TMEM121B: variants seen among roughly 807,000 people sequenced by gnomAD.
TMEM121B encodes transmembrane protein 121B, also known as cat eye syndrome chromosome region, candidate 6.
Under a neutral mutation model 25.1 loss-of-function variants are expected in TMEM121B, and 14 were observed. That is an observed-to-expected ratio of 0.56 (90% CI 0.37 to 0.87). TMEM121B has a LOEUF of 0.87. Ranked by LOEUF, TMEM121B falls within the 40% of genes least tolerant of loss-of-function variation. The pLI is 0.00. For synonymous variants in TMEM121B, 458 were observed against 420.9 expected, an observed-to-expected ratio of 1.09 and a Z score of -1.08; for missense variants, 850 against 854.6, an observed-to-expected ratio of 0.99 and a Z score of 0.07.
Position 17,121,062 on chromosome 22 carries a change from CG to C in TMEM121B, c.65del (p.Pro22ArgfsTer111). 1.1e-5 allele frequency: 16 copies of C among 1,451,258 alleles called. No individual in the cohort carries two copies. The highest frequency in any genetic ancestry group is 8.9e-5 in the East Asian group (3 of 33,620). 89.9% of individuals were successfully genotyped at this position (1,451,258 alleles called of 1,614,324 possible). On this transcript the variant is annotated frameshift_variant, in exon 1 of 1. Coordinates refer to ENST00000331437, the MANE Select transcript of TMEM121B (RefSeq NM_031890.4). LOFTEE classifies it high-confidence loss of function. ...SSASGSFPPP[P>X]AAARLQPLFL... is the part of the protein sequence containing the mutation. ...AGAGGGGCTGCAGCCGGGCGGCTGC[CG>C]GGGGCGGCGGGAAGGAACCGGACGC...
Position 17,119,858 on chromosome 22 carries a change from G to C in TMEM121B, c.1270C>G (p.Leu424Val), listed in dbSNP as rs747913031. 8.2e-6 allele frequency: 13 copies of C among 1,580,954 alleles called. No individual in the cohort carries two copies. Among genetic ancestry groups the C allele is most frequent in the Non-Finnish European group, 1.1e-5 (13 of 1,171,378 alleles). The change falls in exon 1 of 1, where the codon CTG (leucine) becomes GTG (valine). Residue 424 changes from leucine to valine, a missense_variant. Physicochemically the swap from Leu to Val is conservative, Grantham distance 32. Coordinates refer to ENST00000331437, the MANE Select transcript of TMEM121B (RefSeq NM_031890.4). ...LEGRVPLPAHLRYLLIAVYFL... is the reference protein window; with the variant it reads ...LEGRVPLPAHVRYLLIAVYFL... ...TAGACGGCGATAAGCAGGTAGCGCA[G>C]GTGCGCGGGCAGCGGCACGCGGCCC...
Position 17,119,247 on chromosome 22 carries a change from G to C in TMEM121B, c.*144C>G, listed in dbSNP as rs560257080. The C allele has an allele frequency of 3.0e-5, 38 of 1,279,366 alleles. No individual in the cohort carries two copies. The African/African-American group carries it at 5.6e-4, about 19-fold the overall frequency. The allele number at this position is 1,279,366 out of a possible 1,614,324, so 79.3% of individuals were successfully genotyped here. ...CTCCCTCCAAGCCGTCCTCACCCCA[G>C]GGTGCAGAAGAACACCCTGGCCCTT... On this transcript the variant is annotated 3_prime_UTR_variant, in exon 1 of 1. Transcript: ENST00000331437.
rs1276506672 is a variant in TMEM121B at position 17,120,846 on chromosome 22, C to T, written c.282G>A (p.Ala94=). ...SVSKPLVPNA[A]LLGPPAQVGA... ...CCACCTGAGCCGGCGGCCCCAGGAG[C>T]GCGGCGTTGGGCACCAGCGGCTTGC... Residue 94 remains alanine (A), a synonymous_variant, in exon 1 of 1, where the codon GCG becomes GCA. Transcript: ENST00000331437. 6.2e-6 allele frequency: 8 copies of T among 1,298,544 alleles called. No homozygotes were observed. The South Asian group carries it at 6.7e-5, about 11-fold the overall frequency. The allele number at this position is 1,298,544 out of a possible 1,614,324, so 80.4% of individuals were successfully genotyped here.
Position 17,119,863 on chromosome 22 carries a change from G to C in TMEM121B, c.1265C>G (p.Ala422Gly), listed in dbSNP as rs1341585068. 2.5e-6 allele frequency: 4 copies of C among 1,576,158 alleles called. No individual in the cohort carries two copies. The highest frequency in any genetic ancestry group is 2.6e-6 in the Non-Finnish European group (3 of 1,168,690). ...GGCGATAAGCAGGTAGCGCAGGTGC[G>C]CGGGCAGCGGCACGCGGCCCTCCAG... Reference protein sequence around the residue: ...LMLEGRVPLPAHLRYLLIAVY... With the variant: ...LMLEGRVPLPGHLRYLLIAVY... Residue 422 changes from alanine to glycine, a missense_variant, in exon 1 of 1, where the codon GCG (alanine) becomes GGG (glycine). Transcript: ENST00000331437.
Position 17,120,680 on chromosome 22 carries a change from C to T in TMEM121B, c.448G>A (p.Gly150Arg), listed in dbSNP as rs2061494773. 3 of 1,183,858 alleles carry T rather than the reference C, an allele frequency of 2.5e-6. No individual in the cohort carries two copies. The highest frequency in any genetic ancestry group is 3.1e-6 in the Non-Finnish European group (3 of 958,592). 73.3% of individuals were successfully genotyped at this position (1,183,858 alleles called of 1,614,324 possible). ...CCCGCGCCCCCCGCCGAGCGGCTCCCGGGGCCCCCGACGGCCCCGGCCGCG... is the reference window on the plus strand; with the variant it reads ...CCCGCGCCCCCCGCCGAGCGGCTCCTGGGGCCCCCGACGGCCCCGGCCGCG... Reference protein sequence around the residue: ...GAAAGAVGGPGSRSAGGAGGT... With the variant: ...GAAAGAVGGPRSRSAGGAGGT... Residue 150 changes from glycine (G) to arginine (R), a missense_variant, in exon 1 of 1, where the codon GGG (glycine) becomes AGG (arginine). Transcript: ENST00000331437.
Position 17,118,625 on chromosome 22 carries a change from C to T in TMEM121B, c.*766G>A, listed in dbSNP as rs1261700742. 1 of 152,680 alleles carries T rather than the reference C, an allele frequency of 6.5e-6. No individual in the cohort carries two copies. Among genetic ancestry groups the T allele is most frequent in the Non-Finnish European group, 1.5e-5 (1 of 68,064 alleles). The allele number at this position is 152,680 out of a possible 1,614,324, so 9.5% of individuals were successfully genotyped here. A position where few individuals can be genotyped will look rare whatever the true frequency, so the allele number is the denominator to read the frequency against. The stretch of plus-strand genomic sequence containing the variant: ...AAGCACGGAGGTAGAAATGCTCACT[C>T]ACCCAAGAAAGGGTGCAGTTTGGTC... On this transcript the variant is annotated 3_prime_UTR_variant, in exon 1 of 1. Transcript: ENST00000331437.
rs116631558 is a variant in TMEM121B, at chr22:17,120,381, G to A, written c.747C>T (p.Ser249=). 4,341 of 1,555,702 alleles carry A rather than the reference G, an allele frequency of 2.8e-3. 92 individuals carry two copies. In the African/African-American group the frequency reaches 0.045, roughly 16 times the overall value. ...VGWAIFFAKN[S]RGRRGGAASG... Reference sequence around the variant, plus strand: ...TGGCTGCGCCGCCCCGACGGCCCCGGCTGTTCTTGGCGAAGAAGATGGCCC... The same window carrying A: ...TGGCTGCGCCGCCCCGACGGCCCCGACTGTTCTTGGCGAAGAAGATGGCCC... The change falls in exon 1 of 1, where the codon AGC becomes AGT. Residue 249 remains serine (S), a synonymous_variant. Transcript: ENST00000331437.
chr22:17,120,507 C>G lies in TMEM121B; in HGVS notation c.621G>C (p.Leu207=). 6.3e-7 allele frequency: 1 copy of G among 1,579,856 alleles called. No homozygotes were observed. Among genetic ancestry groups the G allele is most frequent in the Admixed American group, 1.7e-5 (1 of 57,448 alleles). ...RWGYQALSVV[L]LLAQGGLLDL... ...CCAGCAGGCCGCCCTGCGCCAGCAG[C>G]AGCACCACGGACAGCGCCTGGTAGC... The change falls in exon 1 of 1, where the codon CTG becomes CTC. Residue 207 remains leucine (L), a synonymous_variant. Coordinates refer to ENST00000331437, the MANE Select transcript of TMEM121B (RefSeq NM_031890.4).
In TMEM121B at chr22:17,120,465, G is replaced by C. The variant is rs768757723; in HGVS notation, c.663C>G (p.Ala221=). 1.6e-5 allele frequency: 26 copies of C among 1,586,334 alleles called. No homozygotes were observed. The Admixed American group carries it at 4.3e-4, about 26-fold the overall frequency. ...QGGLLDLYLI[A]VTDLYWCSWI... ...AGGAGCACCAGTACAGGTCGGTGACGGCGATGAGGTACAGGTCCAGCAGGC... is the reference window on the plus strand; with the variant it reads ...AGGAGCACCAGTACAGGTCGGTGACCGCGATGAGGTACAGGTCCAGCAGGC... Residue 221 remains alanine, a synonymous_variant, in exon 1 of 1, where the codon GCC becomes GCG. Coordinates refer to ENST00000331437, the MANE Select transcript of TMEM121B (RefSeq NM_031890.4).
chr22:17,120,062 T>C lies in TMEM121B; in HGVS notation c.1066A>G (p.Met356Val), dbSNP rs781056342. The C allele has an allele frequency of 4.3e-6, 7 of 1,610,818 alleles. No homozygotes were observed. In the Admixed American group the frequency reaches 1.0e-4, roughly 23 times the overall value. Residue 356 changes from methionine (M) to valine (V), a missense_variant, in exon 1 of 1, where the codon ATG (methionine) becomes GTG (valine). Coordinates refer to ENST00000331437, the MANE Select transcript of TMEM121B (RefSeq NM_031890.4). ...TAGAGCAGGGGCACCGACAGCGCCATGGTGAGACGGAAGCCCGTGGTGCCG... is the reference window on the plus strand; with the variant it reads ...TAGAGCAGGGGCACCGACAGCGCCACGGTGAGACGGAAGCCCGTGGTGCCG... Reference protein sequence around the residue: ...PFGTTGFRLTMALSVPLLYSL... With the variant: ...PFGTTGFRLTVALSVPLLYSL...
chr22:17,119,602 C>A lies in TMEM121B; in HGVS notation c.1526G>T (p.Cys509Phe). The change falls in exon 1 of 1, where the codon TGC becomes TTC. Residue 509 changes from cysteine to phenylalanine, a missense_variant. Transcript: ENST00000331437. The stretch of plus-strand genomic sequence containing the variant: ...GCCCTCCAGGGCCTCCAGGCCCCGG[C>A]AGCCGAGGAAGAAGAGGTTCTTGAG... ...FMLKNLFFLG[C>F]RGLEALEGCW... The A allele has an allele frequency of 6.5e-7, 1 of 1,544,634 alleles. No individual in the cohort carries two copies. Among genetic ancestry groups the A allele is most frequent in the Non-Finnish European group, 8.7e-7 (1 of 1,148,580 alleles).
Position 17,119,487 on chromosome 22 carries a change from T to C in TMEM121B, c.1641A>G (p.Pro547=). The change falls in exon 1 of 1, where the codon CCA becomes CCG. Residue 547 remains proline (P), a synonymous_variant. Transcript: ENST00000331437. Reference sequence around the variant, plus strand: ...GGCCCAGCTGGGAGCCTCCCTGAGGTGGTGGCGGAGGTGGTGGAGGGGCGG... The same window carrying C: ...GGCCCAGCTGGGAGCCTCCCTGAGGCGGTGGCGGAGGTGGTGGAGGGGCGG... ...PPSAPPPPPP[P]PQGGSQLGHC... is the part of the protein sequence containing the mutation. The C allele has an allele frequency of 6.3e-7, 1 of 1,599,336 alleles. No individual in the cohort carries two copies.
Position 17,120,885 on chromosome 22 carries a change from C to T in TMEM121B, c.243G>A (p.Glu81=). 2.2e-6 allele frequency: 3 copies of T among 1,389,158 alleles called. No homozygotes were observed. Among genetic ancestry groups the T allele is most frequent in the Non-Finnish European group, 2.8e-6 (3 of 1,072,204 alleles). The allele number at this position is 1,389,158 out of a possible 1,614,324, so 86.1% of individuals were successfully genotyped here. A position where few individuals can be genotyped will look rare whatever the true frequency, so the allele number is the denominator to read the frequency against. Residue 81 remains glutamate, a synonymous_variant, in exon 1 of 1, where the codon GAG becomes GAA. Coordinates refer to ENST00000331437, the MANE Select transcript of TMEM121B (RefSeq NM_031890.4). ...STGAEREDDD[E]SLSVSKPLVP... Reference sequence around the variant, plus strand: ...CCAGCGGCTTGCTGACGCTGAGGCTCTCGTCGTCGTCCTCGCGCTCGGCGC... The same window carrying T: ...CCAGCGGCTTGCTGACGCTGAGGCTTTCGTCGTCGTCCTCGCGCTCGGCGC...
Position 17,120,268 on chromosome 22 carries a change from T to A in TMEM121B, c.860A>T (p.Lys287Met). 1 of 1,261,624 alleles carries A rather than the reference T, an allele frequency of 7.9e-7. No homozygotes were observed. The highest frequency in any genetic ancestry group is 9.9e-7 in the Non-Finnish European group (1 of 1,007,678). 78.2% of individuals were successfully genotyped at this position (1,261,624 alleles called of 1,614,324 possible). A position where few individuals can be genotyped will look rare whatever the true frequency, so the allele number is the denominator to read the frequency against. Residue 287 changes from lysine (K) to methionine (M), a missense_variant, in exon 1 of 1, where the codon AAG becomes ATG. Physicochemically the swap from Lys to Met is moderately conservative, Grantham distance 95 (BLOSUM62 -1). Coordinates refer to ENST00000331437, the MANE Select transcript of TMEM121B (RefSeq NM_031890.4). The stretch of plus-strand genomic sequence containing the variant: ...GGCGCCCCCGCGGGCTCCGCGTGCC[T>A]TGGCCCCAGCGGTAGCGGCCGAGGG... ...PAPSAATAGA[K>M]ARGARGGAGG...
Position 17,118,934 on chromosome 22 carries a change from A to C in TMEM121B, c.*457T>G. 5.6e-6 allele frequency: 1 copy of C among 177,970 alleles called. No homozygotes were observed. The highest frequency in any genetic ancestry group is 1.2e-5 in the Non-Finnish European group (1 of 85,440). The allele number at this position is 177,970 out of a possible 1,614,324, so 11.0% of individuals were successfully genotyped here. On this transcript the variant is annotated 3_prime_UTR_variant, in exon 1 of 1. Transcript: ENST00000331437. The stretch of plus-strand genomic sequence containing the variant: ...ACACAGAGACATACACTTTGTATCT[A>C]TCACCTGGAAGAAATCCAAGAGACA...
chr22:17,119,419 T>G lies in TMEM121B; in HGVS notation c.1709A>C (p.Asn570Thr). The part of the protein sequence containing the change: ...ENEGGAHGYV[N>T]TLAVASQN ...ATTCTGAGAGGCCACAGCCAGGGTG[T>G]TGACATAGCCATGAGCACCCCCCTC... Residue 570 changes from asparagine (N) to threonine (T), a missense_variant, in exon 1 of 1, where the codon AAC becomes ACC. By Grantham distance (65) the Asn-to-Thr change is moderately conservative. Coordinates refer to ENST00000331437, the MANE Select transcript of TMEM121B (RefSeq NM_031890.4). 1 of 1,606,626 alleles carries G rather than the reference T, an allele frequency of 6.2e-7. No homozygotes were observed. The highest frequency in any genetic ancestry group is 8.5e-7 in the Non-Finnish European group (1 of 1,176,648).
rs1381217871 is a variant in TMEM121B, at chr22:17,117,499, G to A, written c.*1892C>T. ...TAAGAGGGGGCTTCAAGTGGGAGGC[G>A]GGGGCTTGGCCTGGGTGCTGAGTTA... On this transcript the variant is annotated 3_prime_UTR_variant, in exon 1 of 1. Transcript: ENST00000331437. The A allele has an allele frequency of 6.6e-6, 1 of 152,510 alleles. No homozygotes were observed. Among genetic ancestry groups the A allele is most frequent in the African/African-American group, 2.4e-5 (1 of 41,438 alleles). The allele number at this position is 152,510 out of a possible 1,614,324, so 9.4% of individuals were successfully genotyped here.
Position 17,119,487 on chromosome 22 carries a change from T to TGGTGGCGGA in TMEM121B, c.1632_1640dup (p.Pro546_Pro548dup). On this transcript the variant is annotated inframe_insertion, in exon 1 of 1. Coordinates refer to ENST00000331437, the MANE Select transcript of TMEM121B (RefSeq NM_031890.4). Reference sequence around the variant, plus strand: ...GGCCCAGCTGGGAGCCTCCCTGAGGTGGTGGCGGAGGTGGTGGAGGGGCGG... The same window carrying TGGTGGCGGA: ...GGCCCAGCTGGGAGCCTCCCTGAGGTGGTGGCGGAGGTGGCGGAGGTGGTGGAGGGGCGG... The TGGTGGCGGA allele has an allele frequency of 6.3e-7, 1 of 1,599,336 alleles. No individual in the cohort carries two copies. The highest frequency in any genetic ancestry group is 8.5e-7 in the Non-Finnish European group (1 of 1,173,302).
rs1057389475 is a variant in TMEM121B at position 17,120,641 on chromosome 22, C to T, written c.487G>A (p.Gly163Ser). Residue 163 changes from glycine to serine, a missense_variant, in exon 1 of 1, where the codon GGC becomes AGC. Coordinates refer to ENST00000331437, the MANE Select transcript of TMEM121B (RefSeq NM_031890.4). Reference protein sequence around the residue: ...SAGGAGGTGTGSGASCCPCCC... With the variant: ...SAGGAGGTGTSSGASCCPCCC... ...CACGGGCAGCAGGAGGCGCCGCTGC[C>T]GGTCCCGGTGCCGCCCGCGCCCCCC... 2 of 1,199,272 alleles carry T rather than the reference C, an allele frequency of 1.7e-6. No individual in the cohort carries two copies. The highest frequency in any genetic ancestry group is 3.1e-5 in the South Asian group (1 of 31,752). 74.3% of individuals were successfully genotyped at this position (1,199,272 alleles called of 1,614,324 possible).
Sources: allele counts gnomAD v4.1 joint callset, GRCh38; gene constraint gnomAD v4.1.1; transcripts MANE v1.5; gene names NCBI Gene and HGNC (gene_info 2026-07-23, HGNC 2026-07-21).